The following ABCA4 variants were observed in gnomAD, a reference collection of about 807,000 sequenced individuals.
ABCA4 encodes retinal-specific phospholipid-transporting ATPase ABCA4.
In ABCA4, 196 loss-of-function variants were observed where a neutral mutation model predicts 263.7. The ratio of observed to expected loss-of-function variants is 0.74; its 90% confidence interval spans 0.66 to 0.84. ABCA4 has a LOEUF of 0.84. ABCA4 is among the 40% of genes least tolerant of loss of function. The pLI, the probability that ABCA4 is intolerant of heterozygous loss-of-function variation, is 0.00. For synonymous variants in ABCA4, 1,133 were observed against 1,094.2 expected (o/e 1.04, Z -0.70); for missense variants, 2,792 against 2,855.1 (o/e 0.98, Z 0.50).
intron 30 of ABCA4, among the ~76,000 whole-genome samples, chr1:94,027,542 T>C (rs4147847): frequency 6.6e-6 from 1 of 152,320 alleles, no homozygotes; most frequent in East Asian, 1.9e-4. Context: ...ATCCCTATGA[T>C]GCAGCAGATG....
At chr1:94,013,859 G>C (rs1409169119) in intron 38 of ABCA4, among the ~76,000 whole-genome samples, 1 of 152,222 alleles carries the variant, frequency 6.6e-6, no homozygotes, top group Non-Finnish European at 1.5e-5. Context: ...AGACCGTATA[G>C]GGATCTGCTG....
At chr1:94,054,963 G>C (rs1660932970) in intron 16 of ABCA4, 148 bp downstream of exon 16, 1 of 827,328 alleles carries the variant, frequency 1.2e-6, no homozygotes, top group African/African-American at 1.7e-5. Context: ...AGTAGGATTT[G>C]CTGGTGGATT....
chr1:94,082,011 C>G (rs1322210164), intron 7 of ABCA4, among the ~76,000 whole-genome samples: 1 of 152,212 alleles, frequency 6.6e-6, no homozygotes, highest in Non-Finnish European at 1.5e-5. Context: ...TTCCCCATTG[C>G]AATAAGCCAT....
chr1:94,051,961 C>T (rs760913044), intron 16 of ABCA4, among the ~76,000 whole-genome samples: 12 of 152,128 alleles, frequency 7.9e-5, no homozygotes, highest in Non-Finnish European at 1.3e-4. Flanking sequence ...TCCAAGAAAA[C>T]GTTTCATGAG....
chr1:94,029,595 A>T lies in ABCA4; in HGVS notation c.4389T>A (p.Thr1463=). Residue 1463 remains threonine, a synonymous_variant, in exon 30 of 50, where the codon ACT becomes ACA. Transcript: ENST00000370225. ...YPCGNSTPWK[T]PSVSPNITQL... ...GGGTGATGTTTGGGGACACAGAAGGAGTCTTCCAGGGTGTTGAGTTGCCAC... is the reference window on the plus strand; with the variant it reads ...GGGTGATGTTTGGGGACACAGAAGGTGTCTTCCAGGGTGTTGAGTTGCCAC... 6.2e-7 allele frequency: 1 copy of T among 1,614,020 alleles called. No individual in the cohort carries two copies. The highest frequency in any genetic ancestry group is 8.5e-7 in the Non-Finnish European group (1 of 1,179,956).
intron 11 of ABCA4, among the ~76,000 whole-genome samples, chr1:94,073,354 C>T (rs1050977401): frequency 2.6e-5 from 4 of 152,210 alleles, no homozygotes; most frequent in African/African-American, 9.7e-5. Context: ...GCTCAGAGGC[C>T]CTCGTGAAGT....
intron 11 of ABCA4, among the ~76,000 whole-genome samples, chr1:94,075,963 T>A (rs543236776): frequency 6.6e-6 from 1 of 152,248 alleles, no homozygotes; most frequent in East Asian, 1.9e-4. Flanking sequence ...GAGGAGTGAA[T>A]GACTAAACCT....
At chr1:94,117,520 A>G (rs1024828866) in intron 1 of ABCA4, among the ~76,000 whole-genome samples, 1 of 152,030 alleles carries the variant, frequency 6.6e-6, no homozygotes, top group African/African-American at 2.4e-5. Context: ...GGATGAAGGG[A>G]TGACACCAAG....
intron 1 of ABCA4, among the ~76,000 whole-genome samples, chr1:94,118,611 G>A (rs958534131): frequency 1.3e-5 from 2 of 152,194 alleles, no homozygotes; most frequent in African/African-American, 4.8e-5. Context: ...CAGGTGGGGA[G>A]CCATCGGGAG....
chr1:94,020,761 C>T (rs1026077473), intron 35 of ABCA4, among the ~76,000 whole-genome samples: 7 of 152,226 alleles, frequency 4.6e-5, no homozygotes, highest in African/African-American at 1.7e-4. Flanking sequence ...TACTACAAAA[C>T]GCACAAGGCC....
In ABCA4 at chr1:94,048,920, G is replaced by C. The variant is rs1166710048; in HGVS notation, c.2691C>G (p.Thr897=). Residue 897 remains threonine (T), a synonymous_variant, in exon 18 of 50, where the codon ACC becomes ACG. Coordinates refer to ENST00000370225, the MANE Select transcript of ABCA4 (RefSeq NM_000350.3). ...STREERALEK[T]EPLTEETEDP... ...CCTCCGTTTCCTCTGTTAGGGGCTCGGTCTTTTCCAGGGCTCTTTCTTCTC... is the reference window on the plus strand; with the variant it reads ...CCTCCGTTTCCTCTGTTAGGGGCTCCGTCTTTTCCAGGGCTCTTTCTTCTC... 2 of 1,614,036 alleles carry C rather than the reference G, an allele frequency of 1.2e-6. No individual in the cohort carries two copies. The highest frequency in any genetic ancestry group is 2.2e-5 in the South Asian group (2 of 91,050).
chr1:94,105,985 G>A (rs1302083042), intron 4 of ABCA4, among the ~76,000 whole-genome samples: 3 of 152,140 alleles, frequency 2.0e-5, no homozygotes, highest in Non-Finnish European at 2.9e-5. Flanking sequence ...GCAGCGCCCC[G>A]GTGAATCTCA....
intron 22 of ABCA4, among the ~76,000 whole-genome samples, chr1:94,042,141 G>A (rs187689787): frequency 9.5e-4 from 141 of 149,022 alleles, no homozygotes; most frequent in African/African-American, 3.3e-3. Flanking sequence ...AAAGAAAATA[G>A]CAATGAGGAT....
chr1:94,042,210 G>A (rs572489057), intron 22 of ABCA4, among the ~76,000 whole-genome samples: 42 of 152,280 alleles, frequency 2.8e-4, no homozygotes, highest in African/African-American at 1.0e-3. Context: ...GTAGAGCAAG[G>A]GGGAAAGCTC....
At position 94,081,081 on chromosome 1, in the gene ABCA4, C is replaced by T. The variant is rs181085883; in HGVS notation, c.859-363G>A. Among the ~76,000 whole-genome samples the T allele has an allele frequency of 5.9e-3, 903 of 152,100 alleles. 11 individuals carry two copies. The highest frequency in any genetic ancestry group is 0.046 in the East Asian group (238 of 5,168). On this transcript the variant is annotated intron_variant, in intron 7 of 49. Coordinates refer to ENST00000370225, the MANE Select transcript of ABCA4 (RefSeq NM_000350.3). ...CTATTAAAAATACAAAAAAATTAGC[C>T]GGACATGGTGGCGGGCCCCTGTACT...
intron 18 of ABCA4, among the ~76,000 whole-genome samples, chr1:94,047,794 T>G (rs963256121): frequency 2.0e-5 from 3 of 152,040 alleles, no homozygotes; most frequent in Admixed American, 6.6e-5. Context: ...CCCACTCCCC[T>G]CCTTCTTCCT....
rs745925619 is a variant in ABCA4, at chr1:94,113,026, AATAAAG to A, written c.101_106del (p.Ser34_Leu35del). ...ATTCCTTAACCAGATCAAGACCAGAAATAAAGATAAAGGCCACACGAGTTCCACCAC... is the reference window on the plus strand; with the variant it reads ...ATTCCTTAACCAGATCAAGACCAGAAATAAAGGCCACACGAGTTCCACCAC... On this transcript the variant is annotated inframe_deletion, in exon 2 of 50. Coordinates refer to ENST00000370225, the MANE Select transcript of ABCA4 (RefSeq NM_000350.3). 2.5e-6 allele frequency: 4 copies of A among 1,614,158 alleles called. No individual in the cohort carries two copies. In the East Asian group the frequency reaches 8.9e-5, roughly 36 times the overall value.
At position 94,007,520 on chromosome 1, in the gene ABCA4, C is replaced by T. The variant is rs1659423684; in HGVS notation, c.6005+114G>A. On this transcript the variant is annotated intron_variant, in intron 43 of 49. Coordinates refer to ENST00000370225, the MANE Select transcript of ABCA4 (RefSeq NM_000350.3). ...TCTCTGGGAGGCCTCCTTCTCTGTA[C>T]AGATCTTTCAGGGCCTCAGAGCCAC... 4.2e-6 allele frequency: 4 copies of T among 956,408 alleles called. 1 individual carries two copies. The highest frequency in any genetic ancestry group is 3.9e-5 in the South Asian group (3 of 76,408). The allele number at this position is 956,408 out of a possible 1,614,324, so 59.2% of individuals were successfully genotyped here. A position where few individuals can be genotyped will look rare whatever the true frequency, so the allele number is the denominator to read the frequency against.
chr1:94,031,714 G>A (rs1363918882), intron 27 of ABCA4, 64 bp downstream of exon 27: 13 of 1,604,044 alleles, frequency 8.1e-6, no homozygotes, highest in African/African-American at 1.3e-5. Context: ...GAACACTCAG[G>A]AGAGGAGGGG....
Sources: allele counts gnomAD v4.1 joint callset (sites outside exome capture counted in the v4.1 genomes callset), GRCh38; gene constraint gnomAD v4.1.1; transcripts MANE v1.5; gene names NCBI Gene and HGNC (gene_info 2026-07-23, HGNC 2026-07-21).